The following PLD6 variants were observed in gnomAD, a reference collection of about 807,000 sequenced individuals.
PLD6 encodes phospholipase D family member 6.
PLD6 carries 10 observed loss-of-function variants against 9.7 expected under a neutral mutation model. The ratio of observed to expected loss-of-function variants is 1.03; its 90% CI spans 0.64 to 1.75. The LOEUF is 1.75. PLD6 is among the 40% of genes most tolerant of loss of function. PLD6 has a pLI of 0.00. For synonymous variants in PLD6, 152 were observed against 159.2 expected, an observed-to-expected ratio of 0.96 and a Z score of 0.34; for missense variants, 334 against 347.6, an observed-to-expected ratio of 0.96 and a Z score of 0.31.
In PLD6 at chr17:17,204,764, T is replaced by C. The variant is rs182752659; in HGVS notation, c.427+1096A>G. On this transcript the variant is annotated intron_variant, in intron 1 of 1. Transcript: ENST00000321560. ...CCAACACATGGGAGGACAGCTCTTG[T>C]GGCTGCCCCAAAGAGAAGGAGACAT... Among the ~76,000 whole-genome samples the C allele has an allele frequency of 2.8e-4, 43 of 152,290 alleles. 1 individual carries two copies. Among genetic ancestry groups the C allele is most frequent in the Admixed American group, 2.5e-3 (39 of 15,298 alleles).
chr17:17,206,315 C>A lies in PLD6; in HGVS notation c.-29G>T. On this transcript the variant is annotated 5_prime_UTR_variant, in exon 1 of 2. Transcript: ENST00000321560. The stretch of plus-strand genomic sequence containing the variant: ...GCCGCTAATCCGGGACCCACAGCCA[C>A]GCCGCCGCAGCGGAGTCTGCGCGCC... The A allele has an allele frequency of 4.7e-6, 7 of 1,497,012 alleles. No individual in the cohort carries two copies. Among genetic ancestry groups the A allele is most frequent in the Non-Finnish European group, 6.2e-6 (7 of 1,133,814 alleles). 92.7% of individuals were successfully genotyped at this position (1,497,012 alleles called of 1,614,324 possible).
Position 17,202,130 on chromosome 17 carries a change from G to A in PLD6, c.*637C>T, listed in dbSNP as rs7212534. 0.073 allele frequency: 11,308 copies of A among 154,818 alleles called. 1,381 individuals are homozygous for A. Among genetic ancestry groups the A allele is most frequent in the African/African-American group, 0.25 (10,386 of 41,574 alleles). 9.6% of individuals were successfully genotyped at this position (154,818 alleles called of 1,614,324 possible). A position where few individuals can be genotyped will look rare whatever the true frequency, so the allele number is the denominator to read the frequency against. The stretch of plus-strand genomic sequence containing the variant: ...AGAGCTTGGCACTGGCGTGCATACT[G>A]GTTTTAAAGAGCAATTATGCAAGGA... On this transcript the variant is annotated 3_prime_UTR_variant, in exon 2 of 2. Transcript: ENST00000321560.
chr17:17,201,337 G>A lies in PLD6; in HGVS notation c.*1430C>T, dbSNP rs984901942. 6.6e-6 allele frequency: 1 copy of A among 152,232 alleles called. No individual in the cohort carries two copies. The highest frequency in any genetic ancestry group is 6.5e-5 in the Admixed American group (1 of 15,284). The allele number at this position is 152,232 out of a possible 1,614,324, so 9.4% of individuals were successfully genotyped here. The stretch of plus-strand genomic sequence containing the variant: ...GCACATGGCTAGCAGACCTCAGGAT[G>A]GGCCCTGGGGCTCATCATACAGAAA... On this transcript the variant is annotated 3_prime_UTR_variant, in exon 2 of 2. Transcript: ENST00000321560.
At chr17:17,204,519 T>C (rs940078608) in intron 1 of PLD6, 3 of 152,252 alleles carry the variant, frequency 2.0e-5, no homozygotes, top group African/African-American at 7.2e-5. Context: ...TCCTCACAAA[T>C]ACTGGCACAG....
intron 1 of PLD6, among the ~76,000 whole-genome samples, chr17:17,205,152 G>A (rs546375073): frequency 1.3e-5 from 2 of 152,340 alleles, no homozygotes; most frequent in Non-Finnish European, 2.9e-5. Context: ...ACTGGGCCAG[G>A]ATGGACTGAG....
rs145591247 is a variant in PLD6, at chr17:17,202,834, G to T, written c.692C>A (p.Ser231Tyr). The part of the protein sequence containing the change: ...KSHGSCAPPV[S>Y]RAGGRLLSWH... ...TGAAAGCAATCTCCCTCCAGCTCTG[G>T]AGACAGGTGGGGCACAGCTTCCGTG... Residue 231 changes from serine (S) to tyrosine (Y), a missense_variant, in exon 2 of 2, where the codon TCC (serine) becomes TAC (tyrosine). Physicochemically the swap from Ser to Tyr is moderately radical, Grantham distance 144. Transcript: ENST00000321560. 18 of 1,614,188 alleles carry T rather than the reference G, an allele frequency of 1.1e-5. No individual in the cohort carries two copies. Among genetic ancestry groups the T allele is most frequent in the Non-Finnish European group, 1.5e-5 (18 of 1,180,046 alleles).
chr17:17,205,162 G>C (rs79302571), intron 1 of PLD6, among the ~76,000 whole-genome samples: 4,305 of 152,340 alleles, frequency 0.028, 87 homozygotes, highest in African/African-American at 0.05. Context: ...GATGGACTGA[G>C]AATCCTCAGG....
rs2046676003 is a variant in PLD6, at chr17:17,201,734, A to C, written c.*1033T>G. ...GGCGGCTCACACCTGTAATCCCAGC[A>C]CTTTGGGAGGCGGAAGTGGTGGATC... On this transcript the variant is annotated 3_prime_UTR_variant, in exon 2 of 2. Coordinates refer to ENST00000321560, the MANE Select transcript of PLD6 (RefSeq NM_178836.4). The C allele has an allele frequency of 6.6e-6, 1 of 152,224 alleles. No homozygotes were observed. The highest frequency in any genetic ancestry group is 1.5e-5 in the Non-Finnish European group (1 of 68,086). 9.4% of individuals were successfully genotyped at this position (152,224 alleles called of 1,614,324 possible).
chr17:17,206,177 G>GGCC lies in PLD6; in HGVS notation c.107_109dup (p.Arg36dup), dbSNP rs763589623. On this transcript the variant is annotated inframe_insertion, in exon 1 of 2. Transcript: ENST00000321560. ...CGGGAAGAACAGCGCCTCGCGCCGC[G>GGCC]GCCGCCGCCGCCTGGACCGCAGCCA... 22 of 1,509,234 alleles carry GGCC rather than the reference G, an allele frequency of 1.5e-5. No homozygotes were observed. Among genetic ancestry groups the GGCC allele is most frequent in the Middle Eastern group, 1.9e-4 (1 of 5,264 alleles). 93.5% of individuals were successfully genotyped at this position (1,509,234 alleles called of 1,614,324 possible).
chr17:17,203,950 A>G (rs566032624), intron 1 of PLD6, among the ~76,000 whole-genome samples: 11 of 152,322 alleles, frequency 7.2e-5, no homozygotes, highest in Middle Eastern at 3.4e-3. Flanking sequence ...CATGGAACTC[A>G]TATTTAATTG....
Position 17,202,631 on chromosome 17 carries a change from C to T in PLD6, c.*136G>A, listed in dbSNP as rs548914394. 2 of 879,606 alleles carry T rather than the reference C, an allele frequency of 2.3e-6. No homozygotes were observed. Among genetic ancestry groups the T allele is most frequent in the East Asian group, 2.6e-5 (1 of 37,872 alleles). The allele number at this position is 879,606 out of a possible 1,614,324, so 54.5% of individuals were successfully genotyped here. A position where few individuals can be genotyped will look rare whatever the true frequency, so the allele number is the denominator to read the frequency against. ...ACTGACCCGAAGTAACAGAAATTTC[C>T]CTTTCCTAACCTTCTTTAGTTCAAT... On this transcript the variant is annotated 3_prime_UTR_variant, in exon 2 of 2. Transcript: ENST00000321560.
chr17:17,205,722 C>T, intron 1 of PLD6, 138 bp downstream of exon 1: 1 of 1,058,244 alleles, frequency 9.4e-7, no homozygotes, highest in Non-Finnish European at 1.3e-6. Context: ...TTACACCACC[C>T]CGACCCCACA....
Position 17,203,109 on chromosome 17 carries a change from G to A in PLD6, c.428-11C>T, listed in dbSNP as rs1158666665. 2 of 1,609,706 alleles carry A rather than the reference G, an allele frequency of 1.2e-6. No homozygotes were observed. The highest frequency in any genetic ancestry group is 1.3e-5 in the African/African-American group (1 of 74,852). ...GCCGGACCTGGATCCCTGCAGAAAG[G>A]ACAAGGTGATTTCATTCCATGCAGG... On this transcript the variant is annotated splice_polypyrimidine_tract_variant and intron_variant, in intron 1 of 1. Coordinates refer to ENST00000321560, the MANE Select transcript of PLD6 (RefSeq NM_178836.4).
Position 17,206,321 on chromosome 17 carries a change from C to G in PLD6, c.-35G>C, listed in dbSNP as rs952558432. 21 of 1,487,270 alleles carry G rather than the reference C, an allele frequency of 1.4e-5. No individual in the cohort carries two copies. Among genetic ancestry groups the G allele is most frequent in the Admixed American group, 2.3e-5 (1 of 43,114 alleles). 92.1% of individuals were successfully genotyped at this position (1,487,270 alleles called of 1,614,324 possible). ...AATCCGGGACCCACAGCCACGCCGC[C>G]GCAGCGGAGTCTGCGCGCCCCCAGC... On this transcript the variant is annotated 5_prime_UTR_variant, in exon 1 of 2. Coordinates refer to ENST00000321560, the MANE Select transcript of PLD6 (RefSeq NM_178836.4).
In PLD6 at chr17:17,202,655, AT is replaced by A. The variant is rs2046684224; in HGVS notation, c.*111del. On this transcript the variant is annotated 3_prime_UTR_variant, in exon 2 of 2. Coordinates refer to ENST00000321560, the MANE Select transcript of PLD6 (RefSeq NM_178836.4). The stretch of plus-strand genomic sequence containing the variant: ...CCCTTTCCTAACCTTCTTTAGTTCA[AT>A]TTAGTATTCTAATAGACGAGACTTT... 4 of 1,062,594 alleles carry A rather than the reference AT, an allele frequency of 3.8e-6. No individual in the cohort carries two copies. In the East Asian group the frequency reaches 7.4e-5, roughly 20 times the overall value. The allele number at this position is 1,062,594 out of a possible 1,614,324, so 65.8% of individuals were successfully genotyped here.
rs1263435513 is a variant in PLD6, at chr17:17,204,784, A to T, written c.427+1076T>A. Among the ~76,000 whole-genome samples, 3 of 152,174 alleles carry T rather than the reference A, an allele frequency of 2.0e-5. No homozygotes were observed. In the East Asian group the frequency reaches 5.8e-4, roughly 29 times the overall value. On this transcript the variant is annotated intron_variant, in intron 1 of 1. Coordinates refer to ENST00000321560, the MANE Select transcript of PLD6 (RefSeq NM_178836.4). ...TCTTGTGGCTGCCCCAAAGAGAAGG[A>T]GACATCCTCAATATGAAAACCACGT...
intron 1 of PLD6, among the ~76,000 whole-genome samples, 175 bp from the exon 2 acceptor site, chr17:17,203,273 G>C (rs781168317): frequency 2.0e-5 from 3 of 152,238 alleles, no homozygotes; most frequent in Non-Finnish European, 4.4e-5. Flanking sequence ...GAGAACCACA[G>C]AGGGGACATC....
chr17:17,201,546 T>A lies in PLD6; in HGVS notation c.*1221A>T, dbSNP rs1402628916. 6.6e-6 allele frequency: 1 copy of A among 152,366 alleles called. No homozygotes were observed. The highest frequency in any genetic ancestry group is 1.5e-5 in the Non-Finnish European group (1 of 68,134). 9.4% of individuals were successfully genotyped at this position (152,366 alleles called of 1,614,324 possible). On this transcript the variant is annotated 3_prime_UTR_variant, in exon 2 of 2. Transcript: ENST00000321560. ...GAGACACCACGGCCTGAAGCTGCTC[T>A]CCTCTTCCCCGCTCTCCTCTCCTCC...
In PLD6 at chr17:17,206,333, T is replaced by C. The variant is rs2046721567; in HGVS notation, c.-47A>G. 1.4e-5 allele frequency: 21 copies of C among 1,468,624 alleles called. No homozygotes were observed. The highest frequency in any genetic ancestry group is 1.1e-4 in the East Asian group (4 of 34,932). The allele number at this position is 1,468,624 out of a possible 1,614,324, so 91.0% of individuals were successfully genotyped here. On this transcript the variant is annotated 5_prime_UTR_variant, in exon 1 of 2. Transcript: ENST00000321560. The stretch of plus-strand genomic sequence containing the variant: ...ACAGCCACGCCGCCGCAGCGGAGTC[T>C]GCGCGCCCCCAGCCCTAGACCGCCA...
Sources: allele counts gnomAD v4.1 joint callset (sites outside exome capture counted in the v4.1 genomes callset), GRCh38; gene constraint gnomAD v4.1.1; transcripts MANE v1.5; gene names NCBI Gene and HGNC (gene_info 2026-07-23, HGNC 2026-07-21).